MYO1B: variants seen among roughly 807,000 people sequenced by gnomAD.
The protein encoded by MYO1B is unconventional myosin-Ib.
In MYO1B, 72 loss-of-function variants were observed where a neutral mutation model predicts 159.7. That is an observed-to-expected ratio of 0.45 (90% confidence interval 0.37 to 0.55). The LOEUF is 0.55. Ranked by LOEUF, MYO1B falls within the 20% of genes least tolerant of loss-of-function variation. MYO1B has a pLI of 0.00. For missense variants in MYO1B, 1,062 were observed against 1,364.8 expected (o/e 0.78, Z 3.50); for synonymous variants, 468 against 473.8 (o/e 0.99, Z 0.16).
At position 191,261,147 on chromosome 2, in the gene MYO1B, C is replaced by T. The variant is rs183403225; in HGVS notation, c.-10+15521C>T. Among the ~76,000 whole-genome samples the T allele has an allele frequency of 2.2e-4, 33 of 152,254 alleles. No homozygotes were observed. The East Asian group carries it at 5.4e-3, about 25-fold the overall frequency. On this transcript the variant is annotated intron_variant, in intron 1 of 30. Coordinates refer to ENST00000392318, the MANE Select transcript of MYO1B (RefSeq NM_001130158.3). ...TAGTGTGCTCTTGAGTTTCTTTTCC[C>T]ACCAGTTGAGAAGAATGCTTCTCCA...
chr2:191,413,460 C>T (rs544077409), intron 27 of MYO1B, among the ~76,000 whole-genome samples: 5 of 152,304 alleles, frequency 3.3e-5, no homozygotes, highest in Admixed American at 1.3e-4. Context: ...AAGTCAGAGA[C>T]CATCTGTATT....
intron 10 of MYO1B, 118 bp from the exon 11 acceptor site, chr2:191,364,040 A>G (rs976921617): frequency 5.1e-6 from 6 of 1,181,222 alleles, no homozygotes; most frequent in East Asian, 2.3e-5. Flanking sequence ...TTTTTGATGT[A>G]TACATTTTAT....
At position 191,325,630 on chromosome 2, in the gene MYO1B, C is replaced by G. The variant is rs530715551; in HGVS notation, c.252-4305C>G. Reference sequence around the variant, plus strand: ...TATTTCGGTGTCACAGACATCTTTTCTGCTTTGCACTTGAGGTGAAACAAA... The same window carrying G: ...TATTTCGGTGTCACAGACATCTTTTGTGCTTTGCACTTGAGGTGAAACAAA... On this transcript the variant is annotated intron_variant, in intron 3 of 30. Coordinates refer to ENST00000392318, the MANE Select transcript of MYO1B (RefSeq NM_001130158.3). Among the ~76,000 whole-genome samples, 18 of 152,216 alleles carry G rather than the reference C, an allele frequency of 1.2e-4. No homozygotes were observed. The South Asian group carries it at 3.5e-3, about 30-fold the overall frequency.
chr2:191,326,765 T>C (rs1472901370), intron 3 of MYO1B, among the ~76,000 whole-genome samples: 1 of 121,906 alleles, frequency 8.2e-6, no homozygotes, highest in East Asian at 2.3e-4. Flanking sequence ...CTTGTGTTTG[T>C]ATATATGTGT....
chr2:191,418,743 C>T (rs1482085674), intron 30 of MYO1B, among the ~76,000 whole-genome samples: 1 of 152,116 alleles, frequency 6.6e-6, no homozygotes, highest in African/African-American at 2.4e-5. Flanking sequence ...CCCCCCTGGG[C>T]CTCTGAAAGT....
At chr2:191,400,280 G>C in intron 21 of MYO1B, 102 bp from the exon 22 acceptor site, 1 of 1,222,892 alleles carries the variant, frequency 8.2e-7, no homozygotes, top group African/African-American at 1.5e-5. Flanking sequence ...TATCACAATA[G>C]CATGGGTGTT....
At chr2:191,397,121 A>AGGTT (rs1696132234) in intron 21 of MYO1B, among the ~76,000 whole-genome samples, 1 of 38,226 alleles carries the variant, frequency 2.6e-5, no homozygotes, top group Non-Finnish European at 6.3e-5. Flanking sequence ...GCAAAAGAAG[A>AGGTT]TGATTTCTTT....
At chr2:191,362,809 G>C (rs1241560587) in intron 9 of MYO1B, among the ~76,000 whole-genome samples, 1 of 152,154 alleles carries the variant, frequency 6.6e-6, no homozygotes, top group Non-Finnish European at 1.5e-5. Context: ...CATTAGAAAA[G>C]ATGATTTTAA....
intron 20 of MYO1B, among the ~76,000 whole-genome samples, chr2:191,395,513 T>G (rs1368453702): frequency 6.6e-6 from 1 of 152,258 alleles, no homozygotes; most frequent in Non-Finnish European, 1.5e-5. Context: ...CAATGTGACT[T>G]TAGTACTTCG....
At chr2:191,386,129 C>T in intron 16 of MYO1B, 45 bp downstream of exon 16, 1 of 1,590,850 alleles carries the variant, frequency 6.3e-7, no homozygotes, top group Non-Finnish European at 8.6e-7. Flanking sequence ...CCAAGTTACC[C>T]CTGCAAGGAG....
At chr2:191,365,266 A>G (rs898280154) in intron 11 of MYO1B, among the ~76,000 whole-genome samples, 1 of 152,204 alleles carries the variant, frequency 6.6e-6, no homozygotes, top group Admixed American at 6.5e-5. Flanking sequence ...CACTTTGTCC[A>G]ACTGTATTCT....
At chr2:191,419,114 C>G (rs775761831) in intron 30 of MYO1B, among the ~76,000 whole-genome samples, 15 of 152,220 alleles carry the variant, frequency 9.9e-5, no homozygotes, top group Non-Finnish European at 2.1e-4. Flanking sequence ...TGTAAACAAA[C>G]CTACTTCACT....
intron 4 of MYO1B, among the ~76,000 whole-genome samples, chr2:191,339,233 G>A (rs183557835): frequency 7.5e-4 from 114 of 152,310 alleles, no homozygotes; most frequent in Non-Finnish European, 2.8e-4. Context: ...TTGAAAGGCA[G>A]AGAGCCTAGA....
At chr2:191,414,699 T>C in intron 29 of MYO1B, 30 bp downstream of exon 29, 2 of 1,585,298 alleles carry the variant, frequency 1.3e-6, no homozygotes, top group Admixed American at 3.7e-5. Context: ...TTTCTGTGCT[T>C]AATCTCTCAG....
chr2:191,299,942 A>G (rs534872564), intron 3 of MYO1B, among the ~76,000 whole-genome samples: 1 of 152,342 alleles, frequency 6.6e-6, no homozygotes, highest in African/African-American at 2.4e-5. Flanking sequence ...ATTAACAATG[A>G]GAATTATAGC....
At chr2:191,355,798 C>T (rs1693239130) in intron 7 of MYO1B, among the ~76,000 whole-genome samples, 1 of 151,044 alleles carries the variant, frequency 6.6e-6, no homozygotes, top group Non-Finnish European at 1.5e-5. Flanking sequence ...GGGGGAGTTA[C>T]TCTAAGGAGA....
At chr2:191,311,424 CT>C (rs2125861807) in intron 3 of MYO1B, among the ~76,000 whole-genome samples, 1 of 152,266 alleles carries the variant, frequency 6.6e-6, no homozygotes, top group Admixed American at 6.5e-5. Flanking sequence ...TTCATTTTTA[CT>C]TTTATCCTCT....
intron 9 of MYO1B, 90 bp downstream of exon 9, chr2:191,362,461 T>G: frequency 1.1e-6 from 1 of 892,412 alleles, no homozygotes; most frequent in Non-Finnish European, 1.7e-6. Flanking sequence ...TTCTTTAAAG[T>G]GTAGCTCATT....
At chr2:191,402,775 A>C in intron 24 of MYO1B, 57 bp downstream of exon 24, 1 of 1,310,060 alleles carries the variant, frequency 7.6e-7, no homozygotes, top group Non-Finnish European at 1.1e-6. Flanking sequence ...CCTAGCACCT[A>C]CTAACCCTGA....
Sources: allele counts gnomAD v4.1 joint callset (sites outside exome capture counted in the v4.1 genomes callset), GRCh38; gene constraint gnomAD v4.1.1; transcripts MANE v1.5; gene names NCBI Gene and HGNC (gene_info 2026-07-23, HGNC 2026-07-21).